Variants in WRN observed in about 807,000 individuals in gnomAD.
WRN encodes the protein WRN RecQ like helicase.
WRN carries 149 observed loss-of-function variants against 180.7 expected under a neutral mutation model. The observed-to-expected ratio is 0.82, with a 90% CI of 0.72 to 0.94. The LOEUF is 0.94. WRN is among the 40% of genes least tolerant of loss of function. WRN has a pLI of 0.00. For synonymous variants in WRN, 548 were observed against 568.9 expected (o/e 0.96, Z 0.52); for missense variants, 1,661 against 1,700.1 (o/e 0.98, Z 0.40).
At chr8:31,070,881 C>G (rs1812888901) in intron 7 of WRN, among the ~76,000 whole-genome samples, 1 of 151,924 alleles carries the variant, frequency 6.6e-6, no homozygotes, top group Non-Finnish European at 1.5e-5. Flanking sequence ...ACCATCTCTA[C>G]TAAAAATACA....
chr8:31,150,287 G>A, intron 30 of WRN, 54 bp from the exon 31 acceptor site: 1 of 1,398,938 alleles, frequency 7.1e-7, no homozygotes, highest in Non-Finnish European at 1.0e-6. Flanking sequence ...GAGTGATACT[G>A]TTTCAGTGGT....
At chr8:31,144,339 G>GT (rs35613465) in intron 28 of WRN, among the ~76,000 whole-genome samples, 123,101 of 144,336 alleles carry the variant, frequency 0.85, 52,697 homozygotes, top group East Asian at 0.97. Context: ...CTCTAAGTGT[G>GT]TTTTTTTTTT....
At chr8:31,052,551 C>G (rs1357416985) in intron 1 of WRN, among the ~76,000 whole-genome samples, 1 of 152,070 alleles carries the variant, frequency 6.6e-6, no homozygotes, top group African/African-American at 2.4e-5. Context: ...CCATGTCCAG[C>G]TAATTTTTGT....
intron 12 of WRN, 32 bp from the exon 13 acceptor site, chr8:31,088,858 G>GAAAT: frequency 6.3e-7 from 1 of 1,576,924 alleles, no homozygotes; most frequent in Non-Finnish European, 8.7e-7. Flanking sequence ...TTTTCTACTT[G>GAAAT]AACATAAATG....
chr8:31,149,455 GTTTTTTTTTTTTTTTTTTT>G (rs71208105), intron 30 of WRN, among the ~76,000 whole-genome samples: 2 of 51,988 alleles, frequency 3.8e-5, no homozygotes, highest in Non-Finnish European at 6.7e-5. Flanking sequence ...TAATAGAGGT[GTTTTTTTTTTTTTTTTTTT>G]TTTTTTTTTT....
chr8:31,160,787 G>C (rs1053312170), intron 33 of WRN, among the ~76,000 whole-genome samples: 1 of 151,974 alleles, frequency 6.6e-6, no homozygotes, highest in Non-Finnish European at 1.5e-5. Flanking sequence ...TGTTGGAGAC[G>C]AGCCTGACCA....
In WRN at chr8:31,111,748, G is replaced by T. The variant is rs766561388; in HGVS notation, c.2222G>T (p.Arg741Leu). The T allele has an allele frequency of 6.2e-7, 1 of 1,613,804 alleles. No homozygotes were observed. Among genetic ancestry groups the T allele is most frequent in the African/African-American group, 1.3e-5 (1 of 74,960 alleles). ...CCAAACCTGTATTTAGAAGTTAGGC[G>T]AAAAACAGGGAATATCCTTCAGGAT... is the stretch of plus-strand genomic sequence containing the variant. ...DRPNLYLEVR[R>L]KTGNILQDLQ... is the part of the protein sequence containing the mutation. The change falls in exon 19 of 35, where the codon CGA becomes CTA. Residue 741 changes from arginine to leucine, a missense_variant. This residue lies in a region of WRN where 1,141 missense variants were observed against 1,149.4 expected (regional missense o/e 0.99). Coordinates refer to ENST00000298139, the MANE Select transcript of WRN (RefSeq NM_000553.6).
In WRN at chr8:31,087,851, C is replaced by T. The variant is rs752745117; in HGVS notation, c.1507C>T (p.Leu503Phe). 1 of 1,613,652 alleles carries T rather than the reference C, an allele frequency of 6.2e-7. No homozygotes were observed. The highest frequency in any genetic ancestry group is 1.1e-5 in the South Asian group (1 of 91,042). ...CTTAAAAATGGAAAGAAATCTGGGT[C>T]TTCCTACTAAAGAAGAAGAAGAAGA... ...KCLKMERNLG[L>F]PTKEEEEDDE... is the part of the protein sequence containing the mutation. The change falls in exon 12 of 35, where the codon CTT (leucine) becomes TTT (phenylalanine). Residue 503 changes from leucine to phenylalanine, a missense_variant. Physicochemically the swap from Leu to Phe is conservative, Grantham distance 22. Transcript: ENST00000298139.
At position 31,173,146 on chromosome 8, in the gene WRN, G is replaced by C; in HGVS notation, c.*44G>C. ...AATTATGTTTCTTGCTGTATTATAAGAGGATAGCTATATTTTATTTCTGAA... is the reference window on the plus strand; with the variant it reads ...AATTATGTTTCTTGCTGTATTATAACAGGATAGCTATATTTTATTTCTGAA... On this transcript the variant is annotated 3_prime_UTR_variant, in exon 35 of 35. Transcript: ENST00000298139. The C allele has an allele frequency of 6.5e-7, 1 of 1,538,262 alleles. No homozygotes were observed. The highest frequency in any genetic ancestry group is 2.3e-5 in the East Asian group (1 of 44,058).
At chr8:31,119,721 A>G in intron 20 of WRN, among the ~76,000 whole-genome samples, 1 of 151,856 alleles carries the variant, frequency 6.6e-6, no homozygotes, top group Non-Finnish European at 1.5e-5. Flanking sequence ...TCTTATCACT[A>G]ATTCTTCCCT....
At chr8:31,054,781 G>A (rs1174932227) in intron 1 of WRN, among the ~76,000 whole-genome samples, 5 of 152,184 alleles carry the variant, frequency 3.3e-5, no homozygotes, top group Admixed American at 6.5e-5. Flanking sequence ...TGTGCAGGAC[G>A]TGCAGGTTTG....
At chr8:31,114,922 G>A (rs1327890498) in intron 19 of WRN, among the ~76,000 whole-genome samples, 1 of 143,652 alleles carries the variant, frequency 7.0e-6, no homozygotes, top group Non-Finnish European at 1.5e-5. Flanking sequence ...TTGACATGGA[G>A]TCTTGCTCTG....
At chr8:31,079,040 T>C (rs892770040) in intron 8 of WRN, among the ~76,000 whole-genome samples, 8 of 152,242 alleles carry the variant, frequency 5.3e-5, no homozygotes, top group African/African-American at 1.9e-4. Flanking sequence ...TATTTGCATA[T>C]AATTTTAACA....
chr8:31,050,703 C>T (rs911286812), intron 1 of WRN, among the ~76,000 whole-genome samples: 1 of 152,044 alleles, frequency 6.6e-6, no homozygotes, highest in Admixed American at 6.5e-5. Context: ...GTAGATACAG[C>T]TTTCTTCTTC....
intron 1 of WRN, among the ~76,000 whole-genome samples, chr8:31,054,645 G>A (rs1812193621): frequency 6.6e-6 from 1 of 152,068 alleles, no homozygotes; most frequent in African/African-American, 2.4e-5. Flanking sequence ...AAAGTCCAAA[G>A]CAAATCATAA....
At chr8:31,117,971 A>G (rs1563361868) in intron 20 of WRN, among the ~76,000 whole-genome samples, 1 of 152,318 alleles carries the variant, frequency 6.6e-6, no homozygotes, top group East Asian at 1.9e-4. Context: ...TACTGGTACT[A>G]CTGAATCTTA....
chr8:31,089,851 T>G (rs1813672328), intron 13 of WRN, among the ~76,000 whole-genome samples: 1 of 152,050 alleles, frequency 6.6e-6, no homozygotes, highest in African/African-American at 2.4e-5. Flanking sequence ...ATCCATCCAT[T>G]CATATGTCTC....
intron 34 of WRN, among the ~76,000 whole-genome samples, chr8:31,170,824 A>G (rs1470170307): frequency 6.6e-6 from 1 of 152,190 alleles, no homozygotes; most frequent in Non-Finnish European, 1.5e-5. Context: ...CACTCAAAAG[A>G]CACACTTAGT....
Position 31,133,365 on chromosome 8 carries a change from C to T in WRN, c.2967+859C>T, listed in dbSNP as rs10111502. Among the ~76,000 whole-genome samples the T allele has an allele frequency of 3.9e-3, 591 of 152,112 alleles. 7 individuals are homozygous for T. The highest frequency in any genetic ancestry group is 0.014 in the African/African-American group (567 of 41,500). Reference sequence around the variant, plus strand: ...GGTAAGCATTTATTTGTGAAATACTCGAATGCTTCATGTAAATACTTTCTG... The same window carrying T: ...GGTAAGCATTTATTTGTGAAATACTTGAATGCTTCATGTAAATACTTTCTG... On this transcript the variant is annotated intron_variant, in intron 24 of 34. Transcript: ENST00000298139.
Sources: allele counts gnomAD v4.1 joint callset (sites outside exome capture counted in the v4.1 genomes callset), GRCh38; gene constraint gnomAD v4.1.1; regional missense constraint gnomAD v4.1.1; transcripts MANE v1.5; gene names NCBI Gene and HGNC (gene_info 2026-07-23, HGNC 2026-07-21).